Variants in CADPS observed in about 807,000 individuals in gnomAD.
CADPS encodes the protein calcium-dependent secretion activator 1.
CADPS carries 57 observed loss-of-function variants against 167.3 expected under a neutral mutation model. The ratio of observed to expected loss-of-function variants is 0.34; its 90% CI spans 0.28 to 0.42. The LOEUF is 0.42. Ranked by LOEUF, CADPS falls within the 20% of genes least tolerant of loss-of-function variation. The pLI is 1.00. For synonymous variants in CADPS, 676 were observed against 635.3 expected (o/e 1.06, Z -0.96); for missense variants, 1,414 against 1,738.1 (o/e 0.81, Z 3.32).
Position 62,518,150 on chromosome 3 carries a change from TA to T in CADPS, c.2391del (p.Phe797LeufsTer14). 2 of 1,608,820 alleles carry T rather than the reference TA, an allele frequency of 1.2e-6. No individual in the cohort carries two copies. Among genetic ancestry groups the T allele is most frequent in the Non-Finnish European group, 1.7e-6 (2 of 1,176,150 alleles). ...AGCTCTCCAGCCCCAGATCCTTACC[TA>T]AAATGTGTAATCTGATTTTCTAGCA... Reference protein sequence around the residue: ...RVLLENQITHFRYCFPFGRPE... With the variant: ...RVLLENQITHXRYCFPFGRPE... On this transcript the variant is annotated frameshift_variant and splice_region_variant, in exon 14 of 30. Transcript: ENST00000383710. LOFTEE classifies it high-confidence loss of function.
At chr3:62,772,129 T>C (rs1379784526) in intron 1 of CADPS, among the ~76,000 whole-genome samples, 1 of 152,192 alleles carries the variant, frequency 6.6e-6, no homozygotes, top group Non-Finnish European at 1.5e-5. Context: ...GTATCTGGCA[T>C]AGAGTAAGGA....
intron 1 of CADPS, among the ~76,000 whole-genome samples, chr3:62,838,046 C>T (rs1170143907): frequency 6.6e-6 from 1 of 152,204 alleles, no homozygotes; most frequent in African/African-American, 2.4e-5. Context: ...TTCTCTGATA[C>T]AGGCAAGAAA....
intron 3 of CADPS, among the ~76,000 whole-genome samples, chr3:62,705,192 C>A (rs1010133668): frequency 2.0e-5 from 3 of 152,122 alleles, no homozygotes; most frequent in Non-Finnish European, 4.4e-5. Context: ...GTGTCCTGTG[C>A]TCTAATTGAA....
chr3:62,822,726 C>T (rs2073215942), intron 1 of CADPS, among the ~76,000 whole-genome samples: 1 of 152,110 alleles, frequency 6.6e-6, no homozygotes, highest in African/African-American at 2.4e-5. Context: ...CCTGTAATCC[C>T]TGCTACTGAA....
intron 1 of CADPS, among the ~76,000 whole-genome samples, chr3:62,801,491 T>G (rs1055992744): frequency 6.6e-6 from 1 of 152,156 alleles, no homozygotes; most frequent in Non-Finnish European, 1.5e-5. Context: ...TGTCTTTCCT[T>G]AAGGAATTTT....
intron 16 of CADPS, among the ~76,000 whole-genome samples, chr3:62,513,104 A>C (rs972449250): frequency 2.0e-5 from 3 of 152,156 alleles, no homozygotes; most frequent in Non-Finnish European, 4.4e-5. Context: ...AAATCTCTAG[A>C]GGGAACAAGG....
chr3:62,864,290 T>G (rs2081308767), intron 1 of CADPS, among the ~76,000 whole-genome samples: 1 of 152,192 alleles, frequency 6.6e-6, no homozygotes, highest in South Asian at 2.1e-4. Context: ...ACAAAAGATT[T>G]GCAAATTTTA....
At chr3:62,591,798 G>T (rs1435865357) in intron 7 of CADPS, among the ~76,000 whole-genome samples, 1 of 152,088 alleles carries the variant, frequency 6.6e-6, no homozygotes, top group Non-Finnish European at 1.5e-5. Flanking sequence ...CAAAATAATT[G>T]GTGCCAGTCC....
At chr3:62,639,835 A>G (rs2067063197) in intron 6 of CADPS, among the ~76,000 whole-genome samples, 1 of 152,070 alleles carries the variant, frequency 6.6e-6, no homozygotes, top group Non-Finnish European at 1.5e-5. Context: ...ACTAATTTCT[A>G]GGCACATTGT....
intron 6 of CADPS, among the ~76,000 whole-genome samples, chr3:62,594,112 C>T (rs1032291690): frequency 7.9e-5 from 12 of 151,116 alleles, no homozygotes; most frequent in Non-Finnish European, 1.2e-4. Flanking sequence ...CTTTAAAATG[C>T]TCATTATGAT....
intron 1 of CADPS, among the ~76,000 whole-genome samples, chr3:62,811,432 C>T (rs973334303): frequency 6.6e-6 from 1 of 152,136 alleles, no homozygotes; most frequent in Non-Finnish European, 1.5e-5. Context: ...CAAGAAAATG[C>T]ATGCATTGGG....
At chr3:62,493,798 G>C in intron 18 of CADPS, 133 bp from the exon 19 acceptor site, 1 of 715,328 alleles carries the variant, frequency 1.4e-6, no homozygotes, top group Non-Finnish European at 2.4e-6. Flanking sequence ...ATGGGAGAGG[G>C]GAGATGCTGG....
At chr3:62,673,993 A>T (rs976492714) in intron 3 of CADPS, among the ~76,000 whole-genome samples, 12 of 152,206 alleles carry the variant, frequency 7.9e-5, no homozygotes, top group Non-Finnish European at 4.4e-5. Context: ...TTGCTAAAAA[A>T]TACCTGCTCT....
chr3:62,407,753 G>C (rs992830966), intron 28 of CADPS, among the ~76,000 whole-genome samples: 2 of 151,782 alleles, frequency 1.3e-5, no homozygotes, highest in Non-Finnish European at 2.9e-5. Flanking sequence ...TTCTTTTTTT[G>C]AGACAGAGTC....
At chr3:62,837,047 CTG>C (rs754188053) in intron 1 of CADPS, among the ~76,000 whole-genome samples, 15 of 152,102 alleles carry the variant, frequency 9.9e-5, no homozygotes, top group Non-Finnish European at 1.8e-4. Context: ...TTCTTAGTAA[CTG>C]AAAGACATTA....
chr3:62,426,051 C>T (rs1055985442), intron 28 of CADPS, among the ~76,000 whole-genome samples: 14 of 152,200 alleles, frequency 9.2e-5, no homozygotes, highest in African/African-American at 3.4e-4. Context: ...ATCATTTCAT[C>T]ACTGGTAAAG....
chr3:62,511,475 T>G (rs2067806753), intron 17 of CADPS, among the ~76,000 whole-genome samples: 3 of 152,172 alleles, frequency 2.0e-5, no homozygotes, highest in African/African-American at 7.2e-5. Flanking sequence ...TAAGGGATTT[T>G]GAGGAGAAAT....
At chr3:62,651,939 T>G (rs2070259679) in intron 4 of CADPS, among the ~76,000 whole-genome samples, 1 of 152,058 alleles carries the variant, frequency 6.6e-6, no homozygotes, top group Admixed American at 6.6e-5. Context: ...CACCTCAAAC[T>G]GGCTTAAAAC....
intron 3 of CADPS, among the ~76,000 whole-genome samples, chr3:62,715,102 C>G (rs2084186165): frequency 6.6e-6 from 1 of 152,102 alleles, no homozygotes; most frequent in Admixed American, 6.5e-5. Flanking sequence ...GAAATAAATA[C>G]AGATGACATG....
Sources: gnomAD v4.1 joint callset for allele counts (sites outside exome capture counted in the v4.1 genomes callset) on GRCh38, gnomAD v4.1.1 for gene constraint, MANE v1.5 for transcripts, NCBI Gene and HGNC (gene_info 2026-07-23, HGNC 2026-07-21) for gene names.